Variants in NFATC1 observed in about 807,000 individuals in gnomAD.
The protein encoded by NFATC1 is nuclear factor of activated T cells 1.
A neutral mutation model predicts 76.0 loss-of-function variants in NFATC1; 22 were observed. The ratio of observed to expected loss-of-function variants is 0.29; its 90% CI spans 0.21 to 0.41. The LOEUF (loss-of-function observed/expected upper bound fraction) is 0.41. NFATC1 is among the 10% of genes least tolerant of loss of function. NFATC1 has a pLI of 1.00. For missense variants in NFATC1, 1,357 were observed against 1,337.7 expected (o/e 1.01, Z -0.23); for synonymous variants, 704 against 613.1 (o/e 1.15, Z -2.19).
rs2090046716 is a variant in NFATC1 at position 79,503,051 on chromosome 18, A to G, written c.2782+16114A>G. Reference sequence around the variant, plus strand: ...CCTTCACAGCGTTCTTTAGCCAAACATCTGAAACAACCACAATGCCCAGCA... The same window carrying G: ...CCTTCACAGCGTTCTTTAGCCAAACGTCTGAAACAACCACAATGCCCAGCA... On this transcript the variant is annotated intron_variant, in intron 9 of 9. Transcript: ENST00000427363. 2.0e-5 allele frequency among the ~76,000 whole-genome samples: 3 copies of G among 152,216 alleles called. No individual in the cohort carries two copies. The South Asian group carries it at 6.2e-4, about 32-fold the overall frequency.
chr18:79,425,975 G>A (rs2086314490), intron 2 of NFATC1, among the ~76,000 whole-genome samples: 1 of 152,182 alleles, frequency 6.6e-6, no homozygotes, highest in Non-Finnish European at 1.5e-5. Context: ...GCTTTGGGAG[G>A]CCGAGGCACC....
At chr18:79,477,478 C>G (rs549076576) in intron 8 of NFATC1, among the ~76,000 whole-genome samples, 1 of 152,352 alleles carries the variant, frequency 6.6e-6, no homozygotes, top group South Asian at 2.1e-4. Context: ...ACCTGGGGAC[C>G]AGATGTTACT....
rs1352556345 is a variant in NFATC1 at position 79,410,639 on chromosome 18, A to G, written c.364A>G (p.Ile122Val). 2 of 1,613,060 alleles carry G rather than the reference A, an allele frequency of 1.2e-6. No individual in the cohort carries two copies. Among genetic ancestry groups the G allele is most frequent in the East Asian group, 4.5e-5 (2 of 44,848 alleles). Residue 122 changes from isoleucine to valine, a missense_variant, in exon 2 of 10, where the codon ATA becomes GTA. Ile to Val is a conservative substitution (Grantham distance 29). Transcript: ENST00000427363. The surrounding 1 kb of genome is among the most constrained non-coding windows in gnomAD (Gnocchi z 6.7). ...APALESPRIE[I>V]TSCLGLYHNN... ...TGCCCTGGAGAGTCCTCGCATCGAGATAACCTCGTGCTTGGGCCTGTACCA... is the reference window on the plus strand; with the variant it reads ...TGCCCTGGAGAGTCCTCGCATCGAGGTAACCTCGTGCTTGGGCCTGTACCA...
chr18:79,429,903 C>A (rs1195510105), intron 2 of NFATC1, among the ~76,000 whole-genome samples: 1 of 152,240 alleles, frequency 6.6e-6, no homozygotes, highest in South Asian at 2.1e-4. Flanking sequence ...CTCGTGAGAT[C>A]GTGAGAGCGT....
At chr18:79,439,757 G>A (rs562210570) in intron 3 of NFATC1, among the ~76,000 whole-genome samples, 1 of 152,156 alleles carries the variant, frequency 6.6e-6, no homozygotes, top group Non-Finnish European at 1.5e-5. Context: ...TATGATGAAC[G>A]AGGATTCACC....
rs1040308352 is a variant in NFATC1, at chr18:79,527,790, T to A, written c.*213T>A. On this transcript the variant is annotated 3_prime_UTR_variant, in exon 10 of 10. Coordinates refer to ENST00000427363, the MANE Select transcript of NFATC1 (RefSeq NM_001278669.2). The stretch of plus-strand genomic sequence containing the variant: ...ACCACTGTGTCACCTGGAGGAGAAG[T>A]CATCTCATGACAACAGAAGGGAGGT... 1 of 588,912 alleles carries A rather than the reference T, an allele frequency of 1.7e-6. No homozygotes were observed. Among genetic ancestry groups the A allele is most frequent in the Non-Finnish European group, 3.0e-6 (1 of 332,388 alleles). 36.5% of individuals were successfully genotyped at this position (588,912 alleles called of 1,614,324 possible).
At chr18:79,481,291 G>A (rs191225280) in intron 8 of NFATC1, among the ~76,000 whole-genome samples, 269 of 152,364 alleles carry the variant, frequency 1.8e-3, no homozygotes, top group Admixed American at 3.3e-3. Context: ...GGCAAGACGC[G>A]TGCCCTGGAT....
intron 9 of NFATC1, among the ~76,000 whole-genome samples, chr18:79,489,045 T>C (rs1187251987): frequency 6.6e-6 from 1 of 152,166 alleles, no homozygotes; most frequent in Non-Finnish European, 1.5e-5. Context: ...CGCACGGTGC[T>C]CAGGTGAGAT....
chr18:79,410,352 C>T lies in NFATC1; in HGVS notation c.128-51C>T. The T allele has an allele frequency of 1.3e-6, 2 of 1,551,706 alleles. No homozygotes were observed. The highest frequency in any genetic ancestry group is 1.7e-6 in the Non-Finnish European group (2 of 1,151,736). Reference sequence around the variant, plus strand: ...CCGGCCCTGAGTTCATGGGTTTCTGCTTTGTGATGCCCAGCCCCTCATGCT... The same window carrying T: ...CCGGCCCTGAGTTCATGGGTTTCTGTTTTGTGATGCCCAGCCCCTCATGCT... On this transcript the variant is annotated intron_variant, in intron 1 of 9. Coordinates refer to ENST00000427363, the MANE Select transcript of NFATC1 (RefSeq NM_001278669.2). The surrounding 1 kb of genome is among the most constrained non-coding windows in gnomAD (Gnocchi z 6.7).
Position 79,451,656 on chromosome 18 carries a change from C to T in NFATC1, c.1763-20C>T, listed in dbSNP as rs1026682283. ...GCCCACTCAGGACAGGCCCTCACTGCCCCTCTCCTTCTGATGCAGCCCAGC... is the reference window on the plus strand; with the variant it reads ...GCCCACTCAGGACAGGCCCTCACTGTCCCTCTCCTTCTGATGCAGCCCAGC... On this transcript the variant is annotated intron_variant, in intron 5 of 9. Coordinates refer to ENST00000427363, the MANE Select transcript of NFATC1 (RefSeq NM_001278669.2). 2 of 1,569,648 alleles carry T rather than the reference C, an allele frequency of 1.3e-6. No homozygotes were observed. The highest frequency in any genetic ancestry group is 1.4e-5 in the African/African-American group (1 of 73,666).
chr18:79,461,445 G>T lies in NFATC1; in HGVS notation c.1959+79G>T, dbSNP rs528971002. The T allele has an allele frequency of 2.3e-4, 343 of 1,482,288 alleles. 7 individuals are homozygous for T. In the South Asian group the frequency reaches 3.6e-3, roughly 16 times the overall value. 91.8% of individuals were successfully genotyped at this position (1,482,288 alleles called of 1,614,324 possible). ...CTGGGGTCTGCTGGAGCCACTGCGG[G>T]TCCCCAGGCCTTGGGAGGCTGGGGT... On this transcript the variant is annotated intron_variant, in intron 7 of 9. Coordinates refer to ENST00000427363, the MANE Select transcript of NFATC1 (RefSeq NM_001278669.2).
At chr18:79,399,541 G>A (rs62096870) in intron 1 of NFATC1, among the ~76,000 whole-genome samples, 16,335 of 152,326 alleles carry the variant, frequency 0.11, 1,104 homozygotes, top group Non-Finnish European at 0.14. Flanking sequence ...CAGGCCCAGG[G>A]CGGCCTCAGC....
rs764526069 is a variant in NFATC1 at position 79,527,629 on chromosome 18, A to G, written c.*52A>G. On this transcript the variant is annotated 3_prime_UTR_variant, in exon 10 of 10. Coordinates refer to ENST00000427363, the MANE Select transcript of NFATC1 (RefSeq NM_001278669.2). ...CAGGGGTATGCTGACTTCAGCAGAC[A>G]AAGACTTTTGAATAAATAAACTGAA... 2.6e-6 allele frequency: 4 copies of G among 1,540,322 alleles called. No individual in the cohort carries two copies. The Admixed American group carries it at 6.8e-5, about 26-fold the overall frequency.
chr18:79,490,090 C>T, intron 9 of NFATC1, among the ~76,000 whole-genome samples: 1 of 152,188 alleles, frequency 6.6e-6, no homozygotes, highest in South Asian at 2.1e-4. Context: ...GCCTGATCTC[C>T]CCCCCGCCCC....
At chr18:79,402,908 G>A (rs1426553720) in intron 1 of NFATC1, among the ~76,000 whole-genome samples, 1 of 152,238 alleles carries the variant, frequency 6.6e-6, no homozygotes, top group Non-Finnish European at 1.5e-5. Flanking sequence ...GGATGAACCT[G>A]GATATAAATG....
chr18:79,447,086 A>G (rs2087239952), intron 3 of NFATC1, among the ~76,000 whole-genome samples: 1 of 152,010 alleles, frequency 6.6e-6, no homozygotes, highest in Non-Finnish European at 1.5e-5. Flanking sequence ...CCGTCGCTTC[A>G]CTGTGGCCTC....
At chr18:79,429,527 G>A (rs569096398) in intron 2 of NFATC1, among the ~76,000 whole-genome samples, 12 of 152,276 alleles carry the variant, frequency 7.9e-5, no homozygotes, top group East Asian at 7.7e-4. Context: ...AGAGACCCCC[G>A]ACTGAAGCAC....
At chr18:79,448,729 C>T (rs1284321519) in intron 3 of NFATC1, 53 bp from the exon 4 acceptor site, 1 of 1,571,882 alleles carries the variant, frequency 6.4e-7, no homozygotes, top group African/African-American at 1.3e-5. Context: ...TCCGGTGACT[C>T]CCGGCGGTCT....
intron 9 of NFATC1, among the ~76,000 whole-genome samples, chr18:79,488,148 G>A (rs867646129): frequency 2.0e-5 from 3 of 152,168 alleles, no homozygotes; most frequent in Admixed American, 6.5e-5. Context: ...GAGGCCAAAC[G>A]CCTTCCTGCT....
Sources: gnomAD v4.1 joint callset for allele counts (sites outside exome capture counted in the v4.1 genomes callset) on GRCh38, gnomAD v4.1.1 for gene constraint, Gnocchi (gnomAD v3.1) non-coding constraint, MANE v1.5 for transcripts, NCBI Gene and HGNC (gene_info 2026-07-23, HGNC 2026-07-21) for gene names.